Variants in DOK5 observed in about 807,000 individuals in gnomAD.
DOK5 encodes the protein docking protein 5.
A neutral mutation model predicts 43.3 loss-of-function variants in DOK5; 27 were observed. The ratio of observed to expected loss-of-function variants is 0.62; its 90% CI spans 0.46 to 0.86. The LOEUF (loss-of-function observed/expected upper bound fraction) is 0.86, where lower values mean the gene tolerates loss of function less well. Among genes scored for constraint, DOK5 ranks in the 40% least tolerant of loss-of-function variants. The pLI is 0.00. For missense variants in DOK5, 373 were observed against 392.9 expected (o/e 0.95, Z 0.43); for synonymous variants, 146 against 140.1 (o/e 1.04, Z -0.30).
intron 1 of DOK5, among the ~76,000 whole-genome samples, chr20:54,488,948 G>A (rs1031691837): frequency 6.6e-5 from 10 of 152,084 alleles, no homozygotes; most frequent in East Asian, 1.9e-4. Flanking sequence ...TCCCCAGGTC[G>A]TAGTCCTTAG....
At chr20:54,562,727 C>T (rs955836714) in intron 2 of DOK5, among the ~76,000 whole-genome samples, 17 of 149,992 alleles carry the variant, frequency 1.1e-4, no homozygotes, top group Admixed American at 2.7e-4. Context: ...CTCATTTGTA[C>T]GCATATTTAC....
chr20:54,583,754 C>T (rs1469604114), intron 2 of DOK5, among the ~76,000 whole-genome samples: 2 of 152,076 alleles, frequency 1.3e-5, no homozygotes, highest in African/African-American at 4.8e-5. Context: ...CATTTTTTCA[C>T]TCTCAGCCTA....
At chr20:54,649,671 G>T (rs1203824804) in intron 7 of DOK5, among the ~76,000 whole-genome samples, 1 of 152,172 alleles carries the variant, frequency 6.6e-6, no homozygotes, top group Non-Finnish European at 1.5e-5. Flanking sequence ...AATCAGGGAC[G>T]CATTATCTAC....
chr20:54,575,238 G>T (rs545243232), intron 2 of DOK5, among the ~76,000 whole-genome samples: 2 of 152,172 alleles, frequency 1.3e-5, no homozygotes, highest in African/African-American at 4.8e-5. Context: ...GAGACTCAGA[G>T]TTACAAAGAA....
At chr20:54,584,189 G>A (rs946110962) in intron 2 of DOK5, among the ~76,000 whole-genome samples, 1 of 151,544 alleles carries the variant, frequency 6.6e-6, no homozygotes, top group African/African-American at 2.4e-5. Context: ...ATATTGATAG[G>A]AAATGATTAC....
At chr20:54,533,017 C>T (rs942439507) in intron 1 of DOK5, among the ~76,000 whole-genome samples, 1 of 152,208 alleles carries the variant, frequency 6.6e-6, no homozygotes, top group African/African-American at 2.4e-5. Flanking sequence ...TTTGGTTGTA[C>T]ATTGCCTCAT....
At chr20:54,583,608 T>G (rs538810460) in intron 2 of DOK5, among the ~76,000 whole-genome samples, 9 of 152,306 alleles carry the variant, frequency 5.9e-5, no homozygotes, top group Admixed American at 5.2e-4. Context: ...TCTTACTAGT[T>G]AATTCATCTT....
chr20:54,501,466 CAAAAA>C (rs76224592), intron 1 of DOK5, among the ~76,000 whole-genome samples: 2 of 19,456 alleles, frequency 1.0e-4, no homozygotes, highest in African/African-American at 2.1e-4. Flanking sequence ...GACTCACTCT[CAAAAA>C]AAAAAAAAAA....
chr20:54,593,672 T>C (rs865790861), intron 5 of DOK5, among the ~76,000 whole-genome samples: 3 of 152,178 alleles, frequency 2.0e-5, no homozygotes, highest in South Asian at 2.1e-4. Context: ...CCAAAATGTT[T>C]CTGTTATAAA....
chr20:54,588,925 G>A (rs1985897254), intron 4 of DOK5, 119 bp downstream of exon 4: 7 of 1,081,968 alleles, frequency 6.5e-6, no homozygotes, highest in Non-Finnish European at 9.1e-6. Flanking sequence ...AAAGAAATAA[G>A]TAATCTTTTA....
At chr20:54,577,807 GT>G (rs1412278114) in intron 2 of DOK5, among the ~76,000 whole-genome samples, 2 of 152,218 alleles carry the variant, frequency 1.3e-5, no homozygotes, top group African/African-American at 4.8e-5. Flanking sequence ...TGTTCTCATG[GT>G]GGAGAGTTGA....
At chr20:54,562,168 C>A (rs62214426) in intron 2 of DOK5, among the ~76,000 whole-genome samples, 7,619 of 152,232 alleles carry the variant, frequency 0.05, 252 homozygotes, top group Non-Finnish European at 0.074. Context: ...ATCTATCTTT[C>A]CAACATAGTG....
At chr20:54,600,953 G>A (rs565860163) in intron 5 of DOK5, among the ~76,000 whole-genome samples, 13 of 152,278 alleles carry the variant, frequency 8.5e-5, no homozygotes, top group South Asian at 2.1e-4. Context: ...AACCAGTTAC[G>A]GGGTATTGTA....
At chr20:54,581,860 C>T (rs907282800) in intron 2 of DOK5, among the ~76,000 whole-genome samples, 4 of 151,876 alleles carry the variant, frequency 2.6e-5, no homozygotes, top group African/African-American at 9.7e-5. Context: ...TACTTCTTCT[C>T]TTCAGATATT....
intron 5 of DOK5, among the ~76,000 whole-genome samples, chr20:54,609,128 A>G (rs1986562901): frequency 6.6e-6 from 1 of 152,222 alleles, no homozygotes; most frequent in South Asian, 2.1e-4. Flanking sequence ...CATTAGATAC[A>G]TCTTCCTCGT....
intron 2 of DOK5, among the ~76,000 whole-genome samples, chr20:54,564,300 G>A (rs1985017640): frequency 1.3e-5 from 2 of 152,068 alleles, no homozygotes; most frequent in Non-Finnish European, 2.9e-5. Context: ...GCATGGTGGT[G>A]GGTGCCTGTG....
At chr20:54,617,236 C>A (rs1436197120) in intron 6 of DOK5, among the ~76,000 whole-genome samples, 1 of 152,220 alleles carries the variant, frequency 6.6e-6, no homozygotes, top group Non-Finnish European at 1.5e-5. Flanking sequence ...CAGCCACATA[C>A]TTCATCAAAG....
At position 54,630,603 on chromosome 20, in the gene DOK5, A is replaced by G. The variant is rs574042463; in HGVS notation, c.736-12855A>G. Among the ~76,000 whole-genome samples the G allele has an allele frequency of 1.9e-3, 287 of 152,316 alleles. 6 individuals are homozygous for G. The highest frequency in any genetic ancestry group is 1.5e-3 in the South Asian group (7 of 4,814). On this transcript the variant is annotated intron_variant, in intron 6 of 7. Coordinates refer to ENST00000262593, the MANE Select transcript of DOK5 (RefSeq NM_018431.5). ...GGTATTTAAACCCGCCTGAATGACA[A>G]GCTGTCTCTGTGAATCTGTTTAGAT...
At position 54,498,892 on chromosome 20, in the gene DOK5, T is replaced by C. The variant is rs367953435; in HGVS notation, c.66+22880T>C. Among the ~76,000 whole-genome samples, 9 of 152,326 alleles carry C rather than the reference T, an allele frequency of 5.9e-5. No homozygotes were observed. In the East Asian group the frequency reaches 9.6e-4, roughly 16 times the overall value. ...AGGGCAGTCACTTGTAATGCAAATA[T>C]AGAAATATGGAAATATTGACAGATA... On this transcript the variant is annotated intron_variant, in intron 1 of 7. Transcript: ENST00000262593.
Sources: gnomAD v4.1 joint callset for allele counts (sites outside exome capture counted in the v4.1 genomes callset) on GRCh38, gnomAD v4.1.1 for gene constraint, MANE v1.5 for transcripts, NCBI Gene and HGNC (gene_info 2026-07-23, HGNC 2026-07-21) for gene names.